Variants in RUNX2 observed in about 807,000 individuals in gnomAD.
RUNX2 encodes runt-related transcription factor 2.
RUNX2 carries 10 observed loss-of-function variants against 51.7 expected under a neutral mutation model. The observed-to-expected ratio is 0.19, with a 90% confidence interval of 0.12 to 0.33. The LOEUF is 0.33. Among genes scored for constraint, RUNX2 ranks in the 10% least tolerant of loss-of-function variants. RUNX2 has a pLI of 1.00. For synonymous variants in RUNX2, 276 were observed against 273.6 expected, an observed-to-expected ratio of 1.01 and a Z score of -0.09; for missense variants, 562 against 691.3, an observed-to-expected ratio of 0.81 and a Z score of 2.10.
chr6:45,477,833 CCTTG>C (rs1345156309), intron 5 of RUNX2, among the ~76,000 whole-genome samples: 1 of 152,198 alleles, frequency 6.6e-6, no homozygotes, highest in Non-Finnish European at 1.5e-5. Flanking sequence ...CATGGCACAC[CCTTG>C]CTTAAAATAC....
rs138412827 is a variant in RUNX2, at chr6:45,332,717, C to T, written c.58+3933C>T. 2.6e-5 allele frequency among the ~76,000 whole-genome samples: 4 copies of T among 151,812 alleles called. No individual in the cohort carries two copies. The East Asian group carries it at 7.7e-4, about 29-fold the overall frequency. ...AGCATCTATTAAAAATATATAAAAA[C>T]ATGTGACCAAATAGACAAATGCCAT... is the stretch of plus-strand genomic sequence containing the variant. On this transcript the variant is annotated intron_variant, in intron 2 of 8. Transcript: ENST00000647337.
intron 4 of RUNX2, among the ~76,000 whole-genome samples, chr6:45,432,680 C>G (rs1278325855): frequency 6.6e-6 from 1 of 152,006 alleles, no homozygotes; most frequent in Non-Finnish European, 1.5e-5. Flanking sequence ...AATTAGAGAT[C>G]CTTAAATAGA....
intron 7 of RUNX2, among the ~76,000 whole-genome samples, chr6:45,532,458 G>A (rs758219783): frequency 6.6e-6 from 1 of 151,836 alleles, no homozygotes; most frequent in Non-Finnish European, 1.5e-5. Flanking sequence ...TGTGAGGCAG[G>A]GACAGCACTG....
At chr6:45,383,743 T>G (rs1404559740) in intron 2 of RUNX2, among the ~76,000 whole-genome samples, 1 of 152,200 alleles carries the variant, frequency 6.6e-6, no homozygotes, top group Admixed American at 6.5e-5. Flanking sequence ...TTTCAGTAAA[T>G]TATTCAAATA....
chr6:45,421,198 G>A (rs1798177787), intron 2 of RUNX2: 1 of 152,092 alleles, frequency 6.6e-6, no homozygotes, highest in South Asian at 2.1e-4. Flanking sequence ...ATGGAAAACG[G>A]CTGGTGCTTT....
intron 5 of RUNX2, among the ~76,000 whole-genome samples, chr6:45,459,557 C>G (rs1455448451): frequency 6.6e-6 from 1 of 152,194 alleles, no homozygotes; most frequent in African/African-American, 2.4e-5. Flanking sequence ...TTCAATTCGG[C>G]TATCACATGT....
rs567602028 is a variant in RUNX2, at chr6:45,423,777, G to C, written c.423+820G>C. 2.6e-5 allele frequency among the ~76,000 whole-genome samples: 4 copies of C among 152,282 alleles called. No homozygotes were observed. The South Asian group carries it at 8.3e-4, about 32-fold the overall frequency. ...GGAAGGCGGGGCCGCTGGGGCGTCCGCAAGCCCCGAAGCGGGGGCGTTCAG... is the reference window on the plus strand; with the variant it reads ...GGAAGGCGGGGCCGCTGGGGCGTCCCCAAGCCCCGAAGCGGGGGCGTTCAG... On this transcript the variant is annotated intron_variant, in intron 3 of 8. Transcript: ENST00000647337.
At chr6:45,472,416 A>G (rs990707284) in intron 5 of RUNX2, among the ~76,000 whole-genome samples, 15 of 152,184 alleles carry the variant, frequency 9.9e-5, no homozygotes, top group African/African-American at 3.4e-4. Context: ...GAACATCCTT[A>G]GGTTTTCTCC....
intron 5 of RUNX2, among the ~76,000 whole-genome samples, chr6:45,479,564 G>C (rs1800051440): frequency 6.6e-6 from 1 of 152,208 alleles, no homozygotes; most frequent in South Asian, 2.1e-4. Flanking sequence ...GCATATAATA[G>C]AGATAATATA....
At chr6:45,437,494 CT>C (rs1798716514) in intron 4 of RUNX2, among the ~76,000 whole-genome samples, 1 of 152,214 alleles carries the variant, frequency 6.6e-6, no homozygotes, top group South Asian at 2.1e-4. Context: ...AAATGAAATG[CT>C]AAAGCTATGT....
At chr6:45,450,335 C>G (rs1206561564) in intron 5 of RUNX2, among the ~76,000 whole-genome samples, 2 of 152,116 alleles carry the variant, frequency 1.3e-5, no homozygotes, top group South Asian at 2.1e-4. Flanking sequence ...GCTGACAGAG[C>G]CTTTTTTTTG....
rs1013048132 is a variant in RUNX2 at position 45,343,360 on chromosome 6, C to G, written c.58+14576C>G. Among the ~76,000 whole-genome samples, 5 of 152,060 alleles carry G rather than the reference C, an allele frequency of 3.3e-5. No homozygotes were observed. The South Asian group carries it at 1.0e-3, about 32-fold the overall frequency. On this transcript the variant is annotated intron_variant, in intron 2 of 8. Transcript: ENST00000647337. ...TACTAAAGGTCCCTAAAGTTGTTCA[C>G]TTGATCTGTTTCAGAGTTCTGATAC...
chr6:45,506,151 C>G (rs1030690078), intron 6 of RUNX2, among the ~76,000 whole-genome samples: 20 of 152,090 alleles, frequency 1.3e-4, no homozygotes, highest in Admixed American at 3.3e-4. Flanking sequence ...TCTTAGTGTG[C>G]TTTCTCGGCC....
At chr6:45,332,517 C>T (rs1787721008) in intron 2 of RUNX2, among the ~76,000 whole-genome samples, 1 of 151,754 alleles carries the variant, frequency 6.6e-6, no homozygotes, top group South Asian at 2.1e-4. Context: ...CATACAAATA[C>T]CAATCTTCCA....
chr6:45,365,178 A>G (rs1361095936), intron 2 of RUNX2: 1 of 1,395,646 alleles, frequency 7.2e-7, no homozygotes, highest in South Asian at 1.3e-5. Flanking sequence ...AGTAATAGCA[A>G]TAGCATGCAG....
intron 2 of RUNX2, among the ~76,000 whole-genome samples, chr6:45,411,465 A>T (rs948633000): frequency 7.2e-5 from 11 of 152,078 alleles, no homozygotes; most frequent in African/African-American, 2.7e-4. Context: ...GCCTAGAGGG[A>T]ATTTTTATGG....
rs757437094 is a variant in RUNX2, at chr6:45,512,358, A to T, written c.972A>T (p.Thr324=). Residue 324 remains threonine, a synonymous_variant, in exon 7 of 9, where the codon ACA becomes ACT. Coordinates refer to ENST00000647337, the MANE Select transcript of RUNX2 (RefSeq NM_001024630.4). ...ACTCTACCACCCCGCTGTCTTCCAC[A>T]CGGGGCACTGGGCTTCCTGCCATCA... is the stretch of plus-strand genomic sequence containing the variant. ...SIHSTTPLSS[T]RGTGLPAITD... The T allele has an allele frequency of 4.2e-5, 67 of 1,613,922 alleles. No homozygotes were observed. The Admixed American group carries it at 9.2e-4, about 22-fold the overall frequency.
At chr6:45,409,858 T>G (rs537017740) in intron 2 of RUNX2, among the ~76,000 whole-genome samples, 3 of 152,332 alleles carry the variant, frequency 2.0e-5, no homozygotes, top group Admixed American at 1.3e-4. Flanking sequence ...CTAATCCCTG[T>G]TCTCAAGGAA....
chr6:45,537,032 A>G (rs551229374), intron 7 of RUNX2, among the ~76,000 whole-genome samples: 1 of 152,292 alleles, frequency 6.6e-6, no homozygotes, highest in South Asian at 2.1e-4. Flanking sequence ...AGTGCGGGTA[A>G]GGAGGAATGC....
Sources: allele counts gnomAD v4.1 joint callset (sites outside exome capture counted in the v4.1 genomes callset), GRCh38; gene constraint gnomAD v4.1.1; transcripts MANE v1.5; gene names NCBI Gene and HGNC (gene_info 2026-07-23, HGNC 2026-07-21).